The following CREB5 variants were observed in gnomAD, a reference collection of about 807,000 sequenced individuals.
CREB5 encodes the protein cyclic AMP-responsive element-binding protein 5.
In CREB5, 19 loss-of-function variants were observed where a neutral mutation model predicts 57.1. That is an observed-to-expected ratio of 0.33 (90% CI 0.23 to 0.49). The LOEUF is 0.49. CREB5 is among the 20% of genes least tolerant of loss of function. The pLI is 0.99. For missense variants in CREB5, 579 were observed against 671.6 expected, an observed-to-expected ratio of 0.86 and a Z score of 1.52; for synonymous variants, 238 against 238.3, an observed-to-expected ratio of 1.00 and a Z score of 0.01.
chr7:28,689,911 T>G (rs1352356743), intron 5 of CREB5, among the ~76,000 whole-genome samples: 6 of 112,762 alleles, frequency 5.3e-5, no homozygotes, highest in African/African-American at 1.7e-4. Context: ...TTGTATTTGG[T>G]GTGTGTGTGT....
chr7:28,487,568 A>T (rs1238864576), intron 1 of CREB5, among the ~76,000 whole-genome samples: 1 of 152,224 alleles, frequency 6.6e-6, no homozygotes, highest in Non-Finnish European at 1.5e-5. Flanking sequence ...TTGTTGAGGC[A>T]TATCAAATGC....
Position 28,619,455 on chromosome 7 carries a change from G to C in CREB5, c.464+48918G>C, listed in dbSNP as rs530391590. Among the ~76,000 whole-genome samples, 30 of 152,290 alleles carry C rather than the reference G, an allele frequency of 2.0e-4. 1 individual carries two copies. The South Asian group carries it at 6.0e-3, about 31-fold the overall frequency. Reference sequence around the variant, plus strand: ...GAGTGGACTTTGAGAGCGCTAAAAAGAGAACATTGTTTGCTGCCTGTTTAT... The same window carrying C: ...GAGTGGACTTTGAGAGCGCTAAAAACAGAACATTGTTTGCTGCCTGTTTAT... On this transcript the variant is annotated intron_variant, in intron 5 of 10. Coordinates refer to ENST00000357727, the MANE Select transcript of CREB5 (RefSeq NM_182898.4).
At chr7:28,714,948 C>T (rs1359041048) in intron 5 of CREB5, among the ~76,000 whole-genome samples, 1 of 152,210 alleles carries the variant, frequency 6.6e-6, no homozygotes, top group Admixed American at 6.5e-5. Flanking sequence ...GGCAACAAGC[C>T]TGCACTGGAG....
intron 7 of CREB5, among the ~76,000 whole-genome samples, chr7:28,788,177 G>A (rs1435962738): frequency 6.6e-6 from 1 of 152,150 alleles, no homozygotes; most frequent in Admixed American, 6.5e-5. Flanking sequence ...GGGGCTGGTA[G>A]TCTGTCCGGT....
chr7:28,683,022 C>T (rs893943603), intron 5 of CREB5, among the ~76,000 whole-genome samples: 9 of 152,218 alleles, frequency 5.9e-5, no homozygotes, highest in African/African-American at 1.9e-4. Flanking sequence ...ATGACACGCT[C>T]TGCAAAGGAG....
At position 28,412,874 on chromosome 7, in the gene CREB5, A is replaced by G; in HGVS notation, c.-41A>G. 4 of 1,461,108 alleles carry G rather than the reference A, an allele frequency of 2.7e-6. No homozygotes were observed. The highest frequency in any genetic ancestry group is 3.6e-6 in the Non-Finnish European group (4 of 1,102,718). The allele number at this position is 1,461,108 out of a possible 1,614,324, so 90.5% of individuals were successfully genotyped here. Reference sequence around the variant, plus strand: ...AAGGAAGAAAAAACTTGATTTGGTGACTGCAGGAAGCAACACGTTGCTGCT... The same window carrying G: ...AAGGAAGAAAAAACTTGATTTGGTGGCTGCAGGAAGCAACACGTTGCTGCT... On this transcript the variant is annotated 5_prime_UTR_variant, in exon 1 of 11. Transcript: ENST00000357727.
chr7:28,593,790 G>A (rs890420175), intron 5 of CREB5, among the ~76,000 whole-genome samples: 1 of 152,206 alleles, frequency 6.6e-6, no homozygotes, highest in Admixed American at 6.5e-5. Flanking sequence ...TCCCCAGAAT[G>A]TGCTGACTTA....
chr7:28,361,447 G>A (rs1474769541), intron 1 of CREB5, among the ~76,000 whole-genome samples: 1 of 152,184 alleles, frequency 6.6e-6, no homozygotes. Flanking sequence ...CCTCTCTAAG[G>A]AAGCAAAAGA....
intron 7 of CREB5, among the ~76,000 whole-genome samples, chr7:28,752,443 A>G (rs1366591800): frequency 6.6e-6 from 1 of 152,254 alleles, no homozygotes; most frequent in Non-Finnish European, 1.5e-5. Flanking sequence ...CTGGGATTAC[A>G]GGCATGAGCC....
At chr7:28,431,981 CCT>C (rs1562711907) in intron 1 of CREB5, among the ~76,000 whole-genome samples, 4 of 137,932 alleles carry the variant, frequency 2.9e-5, no homozygotes, top group Non-Finnish European at 4.6e-5. Context: ...AACAGCTATG[CCT>C]TTTTTTTTTT....
intron 7 of CREB5, among the ~76,000 whole-genome samples, chr7:28,733,828 T>C (rs1421019746): frequency 1.3e-5 from 2 of 152,208 alleles, no homozygotes; most frequent in African/African-American, 4.8e-5. Flanking sequence ...TCTGATAAAC[T>C]AATTGAGATG....
intron 4 of CREB5, among the ~76,000 whole-genome samples, chr7:28,537,758 G>C (rs942023996): frequency 6.6e-6 from 1 of 152,212 alleles, no homozygotes; most frequent in African/African-American, 2.4e-5. Context: ...CTTCATGTCA[G>C]TTTCAAGCCC....
Position 28,819,266 on chromosome 7 carries a change from A to G in CREB5, c.1514A>G (p.Asn505Ser), listed in dbSNP as rs1335623931. 1 of 1,613,140 alleles carries G rather than the reference A, an allele frequency of 6.2e-7. No homozygotes were observed. The highest frequency in any genetic ancestry group is 1.7e-5 in the Admixed American group (1 of 59,884). ...CTCACCACTCACAGAACAGACCTGA[A>G]TCCGATTCTTTAAAATGCACCATCA... ...SQLTTHRTDL[N>S]PIL The change falls in exon 11 of 11, where the codon AAT becomes AGT. Residue 505 changes from asparagine to serine, a missense_variant. Physicochemically the swap from Asn to Ser is conservative, Grantham distance 46. Coordinates refer to ENST00000357727, the MANE Select transcript of CREB5 (RefSeq NM_182898.4).
intron 7 of CREB5, among the ~76,000 whole-genome samples, chr7:28,775,457 G>C (rs746702022): frequency 6.7e-6 from 1 of 150,350 alleles, no homozygotes; most frequent in Non-Finnish European, 1.5e-5. Flanking sequence ...AAGCCCTCTG[G>C]GAACTGGAAG....
chr7:28,745,164 A>T (rs1437440883), intron 7 of CREB5, among the ~76,000 whole-genome samples: 1 of 152,198 alleles, frequency 6.6e-6, no homozygotes, highest in Non-Finnish European at 1.5e-5. Context: ...GAAGGCAAAC[A>T]GTATTCATAA....
intron 1 of CREB5, chr7:28,435,504 GC>G (rs769245868): frequency 8.7e-6 from 3 of 345,918 alleles, no homozygotes; most frequent in Non-Finnish European, 8.1e-6. Context: ...TGCTGGGCCG[GC>G]CTTAATATGA....
chr7:28,392,200 T>C (rs922681308), intron 1 of CREB5, among the ~76,000 whole-genome samples: 1 of 152,042 alleles, frequency 6.6e-6, no homozygotes, highest in Non-Finnish European at 1.5e-5. Flanking sequence ...GGTGATGAAA[T>C]AGCTGTACAA....
intron 7 of CREB5, among the ~76,000 whole-genome samples, chr7:28,788,556 TG>T (rs1189916124): frequency 4.6e-5 from 7 of 152,244 alleles, no homozygotes; most frequent in Non-Finnish European, 7.3e-5. Context: ...TTGAGTCTTT[TG>T]GAAATAGGCA....
intron 5 of CREB5, among the ~76,000 whole-genome samples, chr7:28,608,380 G>A (rs1337469162): frequency 6.6e-6 from 1 of 152,072 alleles, no homozygotes; most frequent in Non-Finnish European, 1.5e-5. Flanking sequence ...AGATCCTTTT[G>A]GGAATTCTGT....
Sources: gnomAD v4.1 joint callset for allele counts (sites outside exome capture counted in the v4.1 genomes callset) on GRCh38, gnomAD v4.1.1 for gene constraint, MANE v1.5 for transcripts, NCBI Gene and HGNC (gene_info 2026-07-23, HGNC 2026-07-21) for gene names.